Variants in PLPP4 observed in about 807,000 individuals in gnomAD.
The protein encoded by PLPP4 is diacylglycerol pyrophosphate like 2.
A neutral mutation model predicts 32.2 loss-of-function variants in PLPP4; 20 were observed. The observed-to-expected ratio is 0.62, with a 90% confidence interval of 0.44 to 0.90. The LOEUF (loss-of-function observed/expected upper bound fraction) is 0.90, where lower values mean the gene tolerates loss of function less well. Among genes scored for constraint, PLPP4 ranks in the 40% least tolerant of loss-of-function variants. The probability of loss-of-function intolerance (pLI) is 0.00; values close to 1 mark genes in which losing one functional copy is unlikely to be tolerated. For synonymous variants in PLPP4, 127 were observed against 133.0 expected (o/e 0.95, Z 0.31); for missense variants, 257 against 353.1 (o/e 0.73, Z 2.18).
At chr10:120,501,916 C>G (rs1845273885) in intron 1 of PLPP4, among the ~76,000 whole-genome samples, 1 of 152,196 alleles carries the variant, frequency 6.6e-6, no homozygotes, top group Admixed American at 6.5e-5. Context: ...GCAGCTTGCT[C>G]CACAGCATGG....
At chr10:120,511,867 C>T (rs565252228) in intron 2 of PLPP4, among the ~76,000 whole-genome samples, 9 of 152,128 alleles carry the variant, frequency 5.9e-5, no homozygotes, top group South Asian at 4.2e-4. Context: ...GCCGAGGTGG[C>T]GGATCATGAG....
At chr10:120,498,992 G>A (rs1020533928) in intron 1 of PLPP4, among the ~76,000 whole-genome samples, 1 of 152,156 alleles carries the variant, frequency 6.6e-6, no homozygotes, top group Non-Finnish European at 1.5e-5. Flanking sequence ...CAACAGGCCT[G>A]ACCCTCATCC....
intron 1 of PLPP4, among the ~76,000 whole-genome samples, chr10:120,463,825 T>A (rs960241558): frequency 6.6e-6 from 1 of 152,112 alleles, no homozygotes; most frequent in Non-Finnish European, 1.5e-5. Context: ...TCTTTTTTTT[T>A]GTATATATAG....
intron 1 of PLPP4, among the ~76,000 whole-genome samples, chr10:120,470,894 T>G (rs1450881641): frequency 6.6e-6 from 1 of 152,214 alleles, no homozygotes; most frequent in East Asian, 1.9e-4. Flanking sequence ...TTGGGTAGGT[T>G]GCTTCATGTC....
chr10:120,526,546 C>G (rs1264742961), intron 5 of PLPP4, among the ~76,000 whole-genome samples: 1 of 152,172 alleles, frequency 6.6e-6, no homozygotes, highest in Non-Finnish European at 1.5e-5. Context: ...ACCTGGCATT[C>G]TGGAAGCTGT....
intron 5 of PLPP4, among the ~76,000 whole-genome samples, chr10:120,532,679 T>A (rs796821321): frequency 2.0e-5 from 3 of 152,316 alleles, no homozygotes; most frequent in African/African-American, 4.8e-5. Context: ...TTACTTACTG[T>A]CTCTATAATT....
intron 2 of PLPP4, among the ~76,000 whole-genome samples, chr10:120,512,139 G>A (rs1258862694): frequency 6.6e-6 from 1 of 152,156 alleles, no homozygotes; most frequent in Non-Finnish European, 1.5e-5. Context: ...GTATAAGCAT[G>A]TTTGAGGAAA....
intron 5 of PLPP4, among the ~76,000 whole-genome samples, chr10:120,573,498 T>C (rs967635183): frequency 6.6e-6 from 1 of 152,198 alleles, no homozygotes; most frequent in African/African-American, 2.4e-5. Flanking sequence ...CCTACTTGTT[T>C]CACTTAGCAT....
intron 5 of PLPP4, among the ~76,000 whole-genome samples, chr10:120,566,056 T>C (rs1461670426): frequency 6.6e-6 from 1 of 152,180 alleles, no homozygotes; most frequent in African/African-American, 2.4e-5. Flanking sequence ...ATTTTATTAT[T>C]CTTTTATAAT....
intron 1 of PLPP4, among the ~76,000 whole-genome samples, chr10:120,482,103 G>A (rs1004852251): frequency 6.6e-6 from 1 of 152,156 alleles, no homozygotes; most frequent in African/African-American, 2.4e-5. Flanking sequence ...TGTCAGCAGT[G>A]TGAAAACGGA....
chr10:120,483,405 C>G (rs1276358944), intron 1 of PLPP4, among the ~76,000 whole-genome samples: 1 of 152,054 alleles, frequency 6.6e-6, no homozygotes, highest in Non-Finnish European at 1.5e-5. Flanking sequence ...TCTAGAGAAC[C>G]CTGATTAATA....
chr10:120,489,065 C>G (rs931181696), intron 1 of PLPP4, among the ~76,000 whole-genome samples: 1 of 152,166 alleles, frequency 6.6e-6, no homozygotes, highest in Non-Finnish European at 1.5e-5. Context: ...CCTTTTGTCC[C>G]TCCAGGTGCC....
intron 5 of PLPP4, among the ~76,000 whole-genome samples, chr10:120,546,769 G>T (rs1405876058): frequency 6.6e-6 from 1 of 152,164 alleles, no homozygotes; most frequent in Non-Finnish European, 1.5e-5. Flanking sequence ...AAACTTCCTA[G>T]AAACCTTTGA....
chr10:120,578,485 T>G (rs905541968), intron 6 of PLPP4, among the ~76,000 whole-genome samples: 1 of 152,188 alleles, frequency 6.6e-6, no homozygotes, highest in African/African-American at 2.4e-5. Context: ...TTGTGAGATT[T>G]TATGACTCCA....
intron 6 of PLPP4, among the ~76,000 whole-genome samples, chr10:120,587,037 T>C (rs1849796773): frequency 6.6e-6 from 1 of 151,950 alleles, no homozygotes; most frequent in South Asian, 2.1e-4. Flanking sequence ...GAAATATTAA[T>C]AGAAATTGAT....
intron 4 of PLPP4, among the ~76,000 whole-genome samples, chr10:120,519,105 G>A (rs1010981320): frequency 4.6e-5 from 7 of 152,146 alleles, no homozygotes; most frequent in Non-Finnish European, 8.8e-5. Flanking sequence ...GCAAGGAAGT[G>A]CCCACTGACT....
At chr10:120,484,287 C>T (rs1439498933) in intron 1 of PLPP4, among the ~76,000 whole-genome samples, 1 of 152,176 alleles carries the variant, frequency 6.6e-6, no homozygotes, top group Non-Finnish European at 1.5e-5. Context: ...AATAGTCAAT[C>T]ACCATAAATG....
At position 120,480,646 on chromosome 10, in the gene PLPP4, T is replaced by C. The variant is rs1038134203; in HGVS notation, c.57-23172T>C. On this transcript the variant is annotated intron_variant, in intron 1 of 6. Coordinates refer to ENST00000398250, the MANE Select transcript of PLPP4 (RefSeq NM_001030059.3). ...GGAGAGGACTGGCTTGAAGGCAGTT[T>C]GTGGAATTAGTAAGGTCCTGGGTTT... Among the ~76,000 whole-genome samples, 7 of 152,180 alleles carry C rather than the reference T, an allele frequency of 4.6e-5. No individual in the cohort carries two copies. In the East Asian group the frequency reaches 5.8e-4, roughly 13 times the overall value.
chr10:120,470,857 A>G (rs1485708827), intron 1 of PLPP4, among the ~76,000 whole-genome samples: 6 of 152,226 alleles, frequency 3.9e-5, no homozygotes, highest in Non-Finnish European at 1.5e-5. Flanking sequence ...ATACCTAAAC[A>G]CAAATCTGCT....
Sources: gnomAD v4.1 joint callset for allele counts (sites outside exome capture counted in the v4.1 genomes callset) on GRCh38, gnomAD v4.1.1 for gene constraint, MANE v1.5 for transcripts, NCBI Gene and HGNC (gene_info 2026-07-23, HGNC 2026-07-21) for gene names.